ULK4: variants seen among roughly 807,000 people sequenced by gnomAD.
The protein encoded by ULK4 is unc-51 like kinase 4, also known as inactive serine/threonine-protein kinase ULK4.
Under a neutral mutation model 160.6 loss-of-function variants are expected in ULK4, and 133 were observed. That is an observed-to-expected ratio of 0.83 (90% CI 0.72 to 0.96). The LOEUF (loss-of-function observed/expected upper bound fraction) is 0.96, where lower values mean the gene tolerates loss of function less well. Among genes scored for constraint, ULK4 ranks in the 40% least tolerant of loss-of-function variants. The pLI is 0.00. For synonymous variants in ULK4, 534 were observed against 539.8 expected (o/e 0.99, Z 0.15); for missense variants, 1,580 against 1,499.5 (o/e 1.05, Z -0.89).
At chr3:41,315,581 CAGTGTT>C (rs1156247415) in intron 35 of ULK4, among the ~76,000 whole-genome samples, 7 of 152,148 alleles carry the variant, frequency 4.6e-5, no homozygotes, top group African/African-American at 1.7e-4. Context: ...TCAGTAAGAA[CAGTGTT>C]AGTCTGTGGC....
At chr3:41,744,011 G>C (rs1024538687) in intron 22 of ULK4, among the ~76,000 whole-genome samples, 1 of 151,842 alleles carries the variant, frequency 6.6e-6, no homozygotes, top group African/African-American at 2.4e-5. Flanking sequence ...AACATATTAT[G>C]ACTAAGAGGC....
intron 34 of ULK4, among the ~76,000 whole-genome samples, chr3:41,415,803 T>C (rs921228209): frequency 5.3e-5 from 8 of 152,118 alleles, no homozygotes; most frequent in African/African-American, 9.7e-5. Context: ...TCTCAGCCCA[T>C]GGAAGCCGAC....
At chr3:41,725,528 G>A (rs1187139511) in intron 22 of ULK4, among the ~76,000 whole-genome samples, 1 of 151,852 alleles carries the variant, frequency 6.6e-6, no homozygotes, top group Admixed American at 6.6e-5. Flanking sequence ...TTCAATTATT[G>A]TATTTTTCAG....
chr3:41,328,617 C>T (rs958496237), intron 35 of ULK4, among the ~76,000 whole-genome samples: 2 of 152,084 alleles, frequency 1.3e-5, no homozygotes, highest in African/African-American at 4.8e-5. Flanking sequence ...TTGCAGGCTT[C>T]GTAGAAGGCA....
intron 21 of ULK4, among the ~76,000 whole-genome samples, chr3:41,774,464 A>G (rs2039526677): frequency 6.6e-6 from 1 of 150,430 alleles, no homozygotes; most frequent in African/African-American, 2.5e-5. Flanking sequence ...CAAAAAACAC[A>G]TGAAAAAATA....
At chr3:41,671,517 G>T (rs1424626457) in intron 29 of ULK4, among the ~76,000 whole-genome samples, 2 of 152,196 alleles carry the variant, frequency 1.3e-5, no homozygotes, top group African/African-American at 2.4e-5. Context: ...AATAAATGGT[G>T]CTGAGAAAAC....
At chr3:41,689,946 TACCC>T (rs1164424935) in intron 27 of ULK4, among the ~76,000 whole-genome samples, 1 of 148,794 alleles carries the variant, frequency 6.7e-6, no homozygotes, top group Non-Finnish European at 1.5e-5. Context: ...ACTGGGTATA[TACCC>T]AAAGGATTAT....
chr3:41,459,115 G>A (rs2083623003), intron 33 of ULK4, among the ~76,000 whole-genome samples: 1 of 152,102 alleles, frequency 6.6e-6, no homozygotes, highest in Admixed American at 6.6e-5. Context: ...GCAGTGGCGT[G>A]ATCTCGGTTC....
intron 33 of ULK4, among the ~76,000 whole-genome samples, chr3:41,461,947 T>C (rs2083695154): frequency 6.6e-6 from 1 of 152,196 alleles, no homozygotes; most frequent in Non-Finnish European, 1.5e-5. Context: ...AAATACATAA[T>C]TAGCAATTAT....
chr3:41,695,756 C>G (rs960462652), intron 27 of ULK4, among the ~76,000 whole-genome samples: 25 of 152,168 alleles, frequency 1.6e-4, no homozygotes, highest in African/African-American at 5.8e-4. Flanking sequence ...TATAAAACAA[C>G]AAGAGTTATA....
intron 5 of ULK4, among the ~76,000 whole-genome samples, chr3:41,927,592 T>C (rs930622325): frequency 1.3e-5 from 2 of 151,552 alleles, no homozygotes; most frequent in Non-Finnish European, 2.9e-5. Flanking sequence ...GTGTGCTGTA[T>C]TCAGGAGACC....
intron 17 of ULK4, among the ~76,000 whole-genome samples, chr3:41,878,843 C>T (rs2030431): frequency 0.93 from 141,206 of 152,098 alleles, 66,382 homozygotes; most frequent in East Asian, 1. Flanking sequence ...TGTCTCACTT[C>T]CTATGAAGCA....
At chr3:41,329,606 C>T (rs1030706210) in intron 35 of ULK4, among the ~76,000 whole-genome samples, 3 of 150,646 alleles carry the variant, frequency 2.0e-5, no homozygotes, top group African/African-American at 7.3e-5. Flanking sequence ...CATAGTTGTA[C>T]AACCCAGTGT....
At chr3:41,306,220 G>A (rs1436783560) in intron 35 of ULK4, among the ~76,000 whole-genome samples, 3 of 77,140 alleles carry the variant, frequency 3.9e-5, no homozygotes, top group Non-Finnish European at 6.7e-5. Context: ...GGAGGGAGGT[G>A]GGGGCGTCAG....
Position 41,382,767 on chromosome 3 carries a change from A to T in ULK4, c.3678+15312T>A, listed in dbSNP as rs115070810. ...ATATTGTAAATATCAACTGAACTATACTCTTTATCTTTATATTTTTCTGTG... is the reference window on the plus strand; with the variant it reads ...ATATTGTAAATATCAACTGAACTATTCTCTTTATCTTTATATTTTTCTGTG... On this transcript the variant is annotated intron_variant, in intron 35 of 36. Transcript: ENST00000301831. Among the ~76,000 whole-genome samples, 1,055 of 152,212 alleles carry T rather than the reference A, an allele frequency of 6.9e-3. 4 individuals are homozygous for T. Among genetic ancestry groups the T allele is most frequent in the African/African-American group, 0.016 (652 of 41,554 alleles).
At chr3:41,715,200 A>G in intron 25 of ULK4, 37 bp downstream of exon 25, 3 of 1,599,106 alleles carry the variant, frequency 1.9e-6, no homozygotes, top group Admixed American at 1.7e-5. Context: ...GGAAGTCACA[A>G]TTTTATTAGA....
At chr3:41,565,907 A>T in intron 32 of ULK4, 118 bp downstream of exon 32, 1 of 696,440 alleles carries the variant, frequency 1.4e-6, no homozygotes, top group Non-Finnish European at 2.3e-6. Flanking sequence ...TATTACTTGA[A>T]AATTCTTATC....
At chr3:41,536,277 G>A (rs1194250537) in intron 32 of ULK4, among the ~76,000 whole-genome samples, 1 of 152,164 alleles carries the variant, frequency 6.6e-6, no homozygotes, top group Non-Finnish European at 1.5e-5. Flanking sequence ...AATGAGATAT[G>A]ATGAGTATTT....
At chr3:41,640,462 T>TAG (rs1203399100) in intron 30 of ULK4, among the ~76,000 whole-genome samples, 1 of 152,150 alleles carries the variant, frequency 6.6e-6, no homozygotes, top group Non-Finnish European at 1.5e-5. Context: ...TGTAGAATGG[T>TAG]CTCTCGTTTT....
Sources: gnomAD v4.1 joint callset for allele counts (sites outside exome capture counted in the v4.1 genomes callset) on GRCh38, gnomAD v4.1.1 for gene constraint, MANE v1.5 for transcripts, NCBI Gene and HGNC (gene_info 2026-07-23, HGNC 2026-07-21) for gene names.